PDK2: variants seen among roughly 807,000 people sequenced by gnomAD.
PDK2 encodes pyruvate dehydrogenase kinase 2.
In PDK2, 34 loss-of-function variants were observed where a neutral mutation model predicts 50.4. That is an observed-to-expected ratio of 0.68 (90% CI 0.51 to 0.90). PDK2 has a LOEUF of 0.90. Among genes scored for constraint, PDK2 ranks in the 40% least tolerant of loss-of-function variants. The pLI, the probability that PDK2 is intolerant of heterozygous loss-of-function variation, is 0.00. For synonymous variants in PDK2, 232 were observed against 216.0 expected, an observed-to-expected ratio of 1.07 and a Z score of -0.65; for missense variants, 377 against 544.5, an observed-to-expected ratio of 0.69 and a Z score of 3.06.
rs769269424 is a variant in PDK2, at chr17:50,108,224, C to T, written c.754C>T (p.Leu252Phe). The T allele has an allele frequency of 1.9e-6, 3 of 1,598,866 alleles. No individual in the cohort carries two copies. The highest frequency in any genetic ancestry group is 2.2e-5 in the East Asian group (1 of 44,674). Residue 252 changes from leucine (L) to phenylalanine (F), a missense_variant, in exon 7 of 11, where the codon CTC (leucine) becomes TTC (phenylalanine). Transcript: ENST00000503176. Reference sequence around the variant, plus strand: ...CCACCTCTACCACATGCTCTTTGAGCTCTTCAAGGTGAGGAGGCTGGGAGC... The same window carrying T: ...CCACCTCTACCACATGCTCTTTGAGTTCTTCAAGGTGAGGAGGCTGGGAGC... ...PSHLYHMLFE[L>F]FKNAMRATVE... is the part of the protein sequence containing the mutation.
intron 4 of PDK2, 27 bp from the exon 5 acceptor site, chr17:50,106,767 A>G: frequency 6.2e-7 from 1 of 1,601,264 alleles, no homozygotes; most frequent in East Asian, 2.2e-5. Flanking sequence ...CAGCCCAGCC[A>G]ACAGCATCCT....
rs1008473982 is a variant in PDK2, at chr17:50,111,903, G to A, written c.*1806G>A. 2 of 152,310 alleles carry A rather than the reference G, an allele frequency of 1.3e-5. No homozygotes were observed. The highest frequency in any genetic ancestry group is 3.9e-4 in the East Asian group (2 of 5,182). The allele number at this position is 152,310 out of a possible 1,614,324, so 9.4% of individuals were successfully genotyped here. A position where few individuals can be genotyped will look rare whatever the true frequency, so the allele number is the denominator to read the frequency against. On this transcript the variant is annotated 3_prime_UTR_variant, in exon 11 of 11. Coordinates refer to ENST00000503176, the MANE Select transcript of PDK2 (RefSeq NM_002611.5). ...GCCCACTGATTCCCTGACAATGCCT[G>A]GGGCAGATGGGGGAGGGCTGATGAA...
Position 50,105,897 on chromosome 17 carries a change from C to T in PDK2, c.345C>T (p.Ala115=). Residue 115 remains alanine, a synonymous_variant, in exon 4 of 11, where the codon GCC becomes GCT. Coordinates refer to ENST00000503176, the MANE Select transcript of PDK2 (RefSeq NM_002611.5). ...DHRTLSQFTD[A]LVTIRNRHND... ...CCCTGCCCCACAGGTTCACTGACGC[C>T]CTGGTCACCATCCGGAACCGGCACA... is the stretch of plus-strand genomic sequence containing the variant. The T allele has an allele frequency of 6.2e-7, 1 of 1,613,434 alleles. No individual in the cohort carries two copies. The highest frequency in any genetic ancestry group is 8.5e-7 in the Non-Finnish European group (1 of 1,179,704).
At chr17:50,106,914 G>A (rs771491581) in intron 5 of PDK2, 31 bp downstream of exon 5, 2 of 1,596,374 alleles carry the variant, frequency 1.3e-6, no homozygotes, top group East Asian at 2.2e-5. Context: ...CTGGCCCGCA[G>A]AGAAGCCCCG....
At chr17:50,095,302 G>A (rs530981914), upstream of PDK2, 13 of 604,598 alleles carry the variant, frequency 2.2e-5, no homozygotes, top group East Asian at 3.7e-4. Context: ...GCCATGACGA[G>A]CCGATTGGCT....
intron 8 of PDK2, 74 bp from the exon 9 acceptor site, chr17:50,108,538 A>G: frequency 7.5e-7 from 1 of 1,330,130 alleles, no homozygotes. Flanking sequence ...GAAGACCATG[A>G]GAAGGTCAGG....
intron 2 of PDK2, 50 bp downstream of exon 2, chr17:50,097,614 C>T (rs1479532144): frequency 1.9e-6 from 3 of 1,598,774 alleles, no homozygotes; most frequent in Middle Eastern, 1.7e-4. Flanking sequence ...CGCCAGTGTC[C>T]CTGGGCTCAG....
intron 1 of PDK2, among the ~76,000 whole-genome samples, chr17:50,096,800 G>A (rs1909973162): frequency 6.6e-6 from 1 of 152,176 alleles, no homozygotes; most frequent in Non-Finnish European, 1.5e-5. Context: ...CTGGAACCCA[G>A]GGCCCCTGAC....
Position 50,111,394 on chromosome 17 carries a change from CT to C in PDK2, c.*1298del, listed in dbSNP as rs1479212908. On this transcript the variant is annotated 3_prime_UTR_variant, in exon 11 of 11. Coordinates refer to ENST00000503176, the MANE Select transcript of PDK2 (RefSeq NM_002611.5). ...ACATGCAGGTGGGCACCCACTATAG[CT>C]ACTGATGGCTTTAAGGATGTGGGTG... is the stretch of plus-strand genomic sequence containing the variant. 6.6e-6 allele frequency: 1 copy of C among 152,260 alleles called. No homozygotes were observed. The highest frequency in any genetic ancestry group is 1.5e-5 in the Non-Finnish European group (1 of 68,068). The allele number at this position is 152,260 out of a possible 1,614,324, so 9.4% of individuals were successfully genotyped here.
intron 2 of PDK2, among the ~76,000 whole-genome samples, chr17:50,100,369 GC>G (rs1910162302): frequency 1.3e-5 from 2 of 152,192 alleles, no homozygotes; most frequent in Admixed American, 6.5e-5. Context: ...CCCAGGTTTG[GC>G]CTCAGCATGT....
At position 50,109,861 on chromosome 17, in the gene PDK2, TG is replaced by T; in HGVS notation, c.1084-94del. ...TGTGGTCTTTCCAGGCCCCCGTGTC[TG>T]GCAGCTGGGCTGCCGCTGAGCTGGG... On this transcript the variant is annotated intron_variant, in intron 10 of 10. Transcript: ENST00000503176. The surrounding 1 kb of genome is among the most constrained non-coding windows in gnomAD (Gnocchi z 5.0). 7.5e-7 allele frequency: 1 copy of T among 1,334,194 alleles called. No homozygotes were observed. Among genetic ancestry groups the T allele is most frequent in the Non-Finnish European group, 9.9e-7 (1 of 1,007,652 alleles). The allele number at this position is 1,334,194 out of a possible 1,614,324, so 82.6% of individuals were successfully genotyped here.
chr17:50,095,914 G>A, intron 1 of PDK2: 1 of 631,340 alleles, frequency 1.6e-6, no homozygotes, highest in Non-Finnish European at 2.0e-6. Context: ...AGGAGTAGGG[G>A]CCCCTCCTCC....
At chr17:50,095,769 G>A (rs1158303851) in intron 1 of PDK2, 1 of 1,391,090 alleles carries the variant, frequency 7.2e-7, no homozygotes, top group African/African-American at 1.5e-5. Context: ...TACAAGGACG[G>A]TCCCGAGGTT....
At chr17:50,095,002 C>A, upstream of PDK2, 1 of 170,448 alleles carries the variant, frequency 5.9e-6, no homozygotes, top group Non-Finnish European at 1.3e-5. Context: ...AAGGAGCCTG[C>A]AGGTGAAGGA....
intron 4 of PDK2, 93 bp from the exon 5 acceptor site, chr17:50,106,701 G>A: frequency 9.7e-7 from 1 of 1,027,436 alleles, no homozygotes; most frequent in African/African-American, 1.6e-5. Flanking sequence ...GGCATTGGAG[G>A]TGAAAGTAGA....
At chr17:50,100,547 C>A (rs1034768673) in intron 2 of PDK2, among the ~76,000 whole-genome samples, 1 of 152,306 alleles carries the variant, frequency 6.6e-6, no homozygotes, top group African/African-American at 2.4e-5. Flanking sequence ...GGCTGCCGGG[C>A]AGCAACACCT....
chr17:50,095,406 A>T lies in PDK2; in HGVS notation c.-30A>T. 1 of 1,518,140 alleles carries T rather than the reference A, an allele frequency of 6.6e-7. No homozygotes were observed. Among genetic ancestry groups the T allele is most frequent in the Non-Finnish European group, 9.1e-7 (1 of 1,103,844 alleles). The allele number at this position is 1,518,140 out of a possible 1,614,324, so 94.0% of individuals were successfully genotyped here. A position where few individuals can be genotyped will look rare whatever the true frequency, so the allele number is the denominator to read the frequency against. On this transcript the variant is annotated 5_prime_UTR_variant, in exon 1 of 11. Coordinates refer to ENST00000503176, the MANE Select transcript of PDK2 (RefSeq NM_002611.5). ...GTGCGCGAGCGCTGCCCGCGCGGGG[A>T]CCACAACCAAAGTCGCGGCCGCCGC...
intron 4 of PDK2, 148 bp downstream of exon 4, chr17:50,106,217 G>A (rs1910509701): frequency 6.9e-7 from 1 of 1,446,704 alleles, no homozygotes; most frequent in Non-Finnish European, 9.1e-7. Context: ...TGGAGTTAAT[G>A]GCTCCAACAT....
intron 2 of PDK2, among the ~76,000 whole-genome samples, chr17:50,103,634 G>GT (rs1910346403): frequency 6.6e-6 from 1 of 152,158 alleles, no homozygotes; most frequent in Admixed American, 6.5e-5. Context: ...AGCTCCAAGT[G>GT]CTTAAAGAGC....
Sources: allele counts gnomAD v4.1 joint callset (sites outside exome capture counted in the v4.1 genomes callset), GRCh38; gene constraint gnomAD v4.1.1; non-coding constraint Gnocchi (gnomAD v3.1); transcripts MANE v1.5; gene names NCBI Gene and HGNC (gene_info 2026-07-23, HGNC 2026-07-21).